ACTR3C: variants seen among roughly 807,000 people sequenced by gnomAD.
ACTR3C encodes actin related protein 3C.
In ACTR3C, 18 loss-of-function variants were observed where a neutral mutation model predicts 26.3. That is an observed-to-expected ratio of 0.68 (90% CI 0.47 to 1.01). The LOEUF is 1.01. ACTR3C is among the 50% of genes least tolerant of loss of function. The pLI is 0.00. For missense variants in ACTR3C, 184 were observed against 250.7 expected, an observed-to-expected ratio of 0.73 and a Z score of 1.80; for synonymous variants, 55 against 94.5, an observed-to-expected ratio of 0.58 and a Z score of 2.42.
the ACTR3C span, chr7:150,040,794 C>T: frequency 2.0e-5 from 3 of 146,978 alleles, no homozygotes; most frequent in African/African-American, 7.9e-5. Flanking sequence ...CAGTCCCCGC[C>T]TTGCGGGGGG....
chr7:150,034,819 G>T, the ACTR3C span, among the ~76,000 whole-genome samples: 1 of 149,214 alleles, frequency 6.7e-6, no homozygotes, highest in Admixed American at 6.6e-5. Context: ...CTCGTGGGGG[G>T]TGCCTCCCCC....
chr7:150,190,309 G>A, the ACTR3C span, among the ~76,000 whole-genome samples: 1 of 152,136 alleles, frequency 6.6e-6, no homozygotes, highest in African/African-American at 2.4e-5. Context: ...AGAGTCCTTT[G>A]TCAGAAATGT....
chr7:150,203,351 G>T, the ACTR3C span, among the ~76,000 whole-genome samples: 1 of 152,210 alleles, frequency 6.6e-6, no homozygotes, highest in Non-Finnish European at 1.5e-5. Flanking sequence ...TAAAGAAAAT[G>T]AGATTTTTCC....
chr7:150,037,805 G>C, the ACTR3C span, among the ~76,000 whole-genome samples: 2 of 56,414 alleles, frequency 3.5e-5, no homozygotes, highest in Non-Finnish European at 9.6e-5. Flanking sequence ...AGAGCCAGCG[G>C]GGGAAGAGGG....
the ACTR3C span, among the ~76,000 whole-genome samples, chr7:150,227,701 G>GTTTTTTTTTTT: frequency 1.1e-5 from 1 of 94,244 alleles, no homozygotes; most frequent in African/African-American, 4.0e-5. Flanking sequence ...TTTTTTTTTT[G>GTTTTTTTTTTT]TTTTTTTTTT....
At chr7:150,160,759 C>T in the ACTR3C span, among the ~76,000 whole-genome samples, 8 of 151,994 alleles carry the variant, frequency 5.3e-5, no homozygotes, top group African/African-American at 1.9e-4. Context: ...CTACCTCCTT[C>T]ACCTGTGTTC....
chr7:149,989,882 C>T, the ACTR3C span, among the ~76,000 whole-genome samples: 1 of 152,104 alleles, frequency 6.6e-6, no homozygotes, highest in African/African-American at 2.4e-5. Context: ...GGCTGTAAAA[C>T]TCACATTCCC....
chr7:150,298,352 A>T (rs764981844), intron 1 of ACTR3C, among the ~76,000 whole-genome samples: 11 of 150,496 alleles, frequency 7.3e-5, no homozygotes, highest in Non-Finnish European at 1.3e-4. Context: ...CATTAAAAAC[A>T]TGAAGCATAA....
chr7:150,158,860 A>T, the ACTR3C span, among the ~76,000 whole-genome samples: 1 of 139,200 alleles, frequency 7.2e-6, no homozygotes, highest in African/African-American at 2.6e-5. Context: ...ACACACAGGC[A>T]TGCCCACACA....
At chr7:150,124,742 C>T in the ACTR3C span, among the ~76,000 whole-genome samples, 2 of 152,152 alleles carry the variant, frequency 1.3e-5, no homozygotes, top group African/African-American at 4.8e-5. Context: ...CCAAGCACAG[C>T]CTAAGACCTC....
chr7:150,077,079 C>A, the ACTR3C span, among the ~76,000 whole-genome samples: 14 of 152,188 alleles, frequency 9.2e-5, no homozygotes, highest in Non-Finnish European at 1.8e-4. Flanking sequence ...GCAGGAGAAT[C>A]ACTTGAACCC....
chr7:150,229,638 C>T, the ACTR3C span, among the ~76,000 whole-genome samples: 2 of 149,814 alleles, frequency 1.3e-5, no homozygotes, highest in Non-Finnish European at 3.0e-5. Context: ...GCGTGCACCA[C>T]GACACACAGC....
intron 2 of ACTR3C, among the ~76,000 whole-genome samples, chr7:150,294,648 T>C (rs1836582780): frequency 6.6e-6 from 1 of 152,254 alleles, no homozygotes; most frequent in Non-Finnish European, 1.5e-5. Flanking sequence ...CATCTTTCTA[T>C]GGAACTTTTC....
At chr7:149,924,329 C>G in the ACTR3C span, among the ~76,000 whole-genome samples, 2 of 151,648 alleles carry the variant, frequency 1.3e-5, no homozygotes, top group Admixed American at 6.6e-5. Context: ...GAGCCAAGAT[C>G]GCTCCATTGC....
At chr7:150,306,851 T>C (rs1461862959) in intron 1 of ACTR3C, among the ~76,000 whole-genome samples, 2 of 152,204 alleles carry the variant, frequency 1.3e-5, no homozygotes, top group Non-Finnish European at 2.9e-5. Flanking sequence ...GGTTCCTTCA[T>C]AGGGAGATGG....
chr7:150,094,309 C>G, the ACTR3C span, among the ~76,000 whole-genome samples: 1 of 149,450 alleles, frequency 6.7e-6, no homozygotes, highest in Admixed American at 6.6e-5. Flanking sequence ...TTAATTTCAC[C>G]TCTTGCTTGA....
the ACTR3C span, among the ~76,000 whole-genome samples, chr7:150,039,726 C>T: frequency 6.9e-6 from 1 of 145,126 alleles, no homozygotes; most frequent in Non-Finnish European, 1.5e-5. Context: ...CTCTCAGTCC[C>T]CACCCTCGCG....
chr7:150,037,661 C>A, the ACTR3C span, among the ~76,000 whole-genome samples: 1 of 109,060 alleles, frequency 9.2e-6, no homozygotes, highest in South Asian at 2.9e-4. Flanking sequence ...ACAACTAACA[C>A]CCACAGTCCT....
rs185203717 is a variant in ACTR3C, at chr7:150,302,290, C to T, written c.-51-6943G>A. Among the ~76,000 whole-genome samples, 48 of 152,272 alleles carry T rather than the reference C, an allele frequency of 3.2e-4. No homozygotes were observed. The East Asian group carries it at 6.0e-3, about 19-fold the overall frequency. On this transcript the variant is annotated intron_variant, in intron 1 of 7. Transcript: ENST00000683684. ...GAGTACAAAGAAAGCAAGCCTCTTG[C>T]GCGGTGCTGACGGCAGTCTGAAATG...
Sources: allele counts gnomAD v4.1 joint callset (sites outside exome capture counted in the v4.1 genomes callset), GRCh38; gene constraint gnomAD v4.1.1; transcripts MANE v1.5; gene names NCBI Gene and HGNC (gene_info 2026-07-23, HGNC 2026-07-21).